The following FOXJ3 variants were observed in gnomAD, a reference collection of about 807,000 sequenced individuals.
FOXJ3 encodes forkhead box J3, also known as forkhead box protein J3.
In FOXJ3, 22 loss-of-function variants were observed where a neutral mutation model predicts 76.1. The observed-to-expected ratio is 0.29, with a 90% CI of 0.21 to 0.41. The LOEUF (loss-of-function observed/expected upper bound fraction) is 0.41. FOXJ3 is among the 10% of genes least tolerant of loss of function. The pLI, the probability that FOXJ3 is intolerant of heterozygous loss-of-function variation, is 1.00. For synonymous variants in FOXJ3, 269 were observed against 261.2 expected, an observed-to-expected ratio of 1.03 and a Z score of -0.29; for missense variants, 613 against 762.1, an observed-to-expected ratio of 0.80 and a Z score of 2.30.
In FOXJ3 at chr1:42,177,006, C is replaced by CA. The variant is rs1275549262; in HGVS notation, c.*2703dup. 2.6e-5 allele frequency: 4 copies of CA among 152,684 alleles called. No individual in the cohort carries two copies. Among genetic ancestry groups the CA allele is most frequent in the Admixed American group, 6.5e-5 (1 of 15,288 alleles). The allele number at this position is 152,684 out of a possible 1,614,324, so 9.5% of individuals were successfully genotyped here. On this transcript the variant is annotated 3_prime_UTR_variant, in exon 13 of 13. Transcript: ENST00000361346. The stretch of plus-strand genomic sequence containing the variant: ...ATTATTCTCCTGAACAGAGTGTCCC[C>CA]ATTTGTTTACATGCATTTACTATTC...
chr1:42,189,430 T>A (rs752951663), intron 9 of FOXJ3, 26 bp from the exon 10 acceptor site: 2 of 1,501,998 alleles, frequency 1.3e-6, no homozygotes, highest in South Asian at 2.3e-5. Flanking sequence ...AACAGTGTAA[T>A]TCCTGGATGG....
rs115393770 is a variant in FOXJ3, at chr1:42,207,588, T to C, written c.529-1725A>G. 4.3e-3 allele frequency among the ~76,000 whole-genome samples: 661 copies of C among 152,354 alleles called. 5 individuals carry two copies. Among genetic ancestry groups the C allele is most frequent in the African/African-American group, 0.015 (628 of 41,582 alleles). ...TGATGCTAGCTACATATATATTCCC[T>C]CTCTGGCAAAAACTATTTGTCCCAC... On this transcript the variant is annotated intron_variant, in intron 5 of 12. Coordinates refer to ENST00000361346, the MANE Select transcript of FOXJ3 (RefSeq NM_014947.5).
At chr1:42,308,035 T>A (rs1341762858) in intron 2 of FOXJ3, among the ~76,000 whole-genome samples, 1 of 152,102 alleles carries the variant, frequency 6.6e-6, no homozygotes, top group Non-Finnish European at 1.5e-5. Flanking sequence ...ACCAACAAAT[T>A]TTTTATACTT....
chr1:42,256,306 A>G (rs1650580776), intron 4 of FOXJ3, among the ~76,000 whole-genome samples: 1 of 152,242 alleles, frequency 6.6e-6, no homozygotes, highest in Admixed American at 6.5e-5. Flanking sequence ...ATAGTCTAAA[A>G]AAACATTTAA....
At chr1:42,313,379 G>A (rs374291269) in intron 1 of FOXJ3, among the ~76,000 whole-genome samples, 108 of 151,894 alleles carry the variant, frequency 7.1e-4, no homozygotes, top group African/African-American at 2.4e-3. Context: ...TGTGTTTAGG[G>A]TAGCCCTAGG....
chr1:42,183,314 A>G (rs1196735498), intron 11 of FOXJ3, among the ~76,000 whole-genome samples: 39 of 174 alleles, frequency 0.22, no homozygotes, highest in African/African-American at 0.32. Context: ...GGGGTGGGGG[A>G]GGGGAGGGGA....
At chr1:42,300,448 T>C (rs1201357909) in intron 2 of FOXJ3, among the ~76,000 whole-genome samples, 1 of 152,150 alleles carries the variant, frequency 6.6e-6, no homozygotes, top group African/African-American at 2.4e-5. Flanking sequence ...TTCTCCTTCA[T>C]GTACAAAGCT....
intron 4 of FOXJ3, among the ~76,000 whole-genome samples, chr1:42,246,082 C>T (rs343392): frequency 0.81 from 123,121 of 152,070 alleles, 49,927 homozygotes; most frequent in Admixed American, 0.86. Flanking sequence ...AGGGGAAATA[C>T]TTCAGGACAT....
At chr1:42,182,336 AT>A (rs1166434861) in intron 11 of FOXJ3, among the ~76,000 whole-genome samples, 5 of 152,200 alleles carry the variant, frequency 3.3e-5, no homozygotes, top group African/African-American at 1.2e-4. Context: ...TTTTGTATCC[AT>A]TACTTCATCT....
At chr1:42,231,210 C>T (rs1176175519) in intron 4 of FOXJ3, among the ~76,000 whole-genome samples, 1 of 151,836 alleles carries the variant, frequency 6.6e-6, no homozygotes, top group Non-Finnish European at 1.5e-5. Context: ...CCTGTAGTCC[C>T]AGCTACTCGG....
chr1:42,239,888 T>C (rs1464026040), intron 4 of FOXJ3, among the ~76,000 whole-genome samples: 1 of 152,206 alleles, frequency 6.6e-6, no homozygotes, highest in Non-Finnish European at 1.5e-5. Context: ...AACACAAATC[T>C]TTTGGGGTTA....
chr1:42,240,597 C>CAGGT (rs1208140317), intron 4 of FOXJ3, among the ~76,000 whole-genome samples: 1 of 152,126 alleles, frequency 6.6e-6, no homozygotes, highest in Non-Finnish European at 1.5e-5. Flanking sequence ...CACAGACTAC[C>CAGGT]AAGACAATTC....
At chr1:42,210,072 G>A (rs1453707605) in intron 5 of FOXJ3, among the ~76,000 whole-genome samples, 1 of 152,226 alleles carries the variant, frequency 6.6e-6, no homozygotes, top group African/African-American at 2.4e-5. Context: ...AAAACACTGG[G>A]TGTGAGACCT....
intron 5 of FOXJ3, among the ~76,000 whole-genome samples, chr1:42,216,390 C>A (rs1187603330): frequency 6.6e-6 from 1 of 151,574 alleles, no homozygotes; most frequent in Non-Finnish European, 1.5e-5. Context: ...TGGTAGCGGG[C>A]GCCTGTAGTC....
At chr1:42,271,235 T>G (rs1651845148) in intron 3 of FOXJ3, among the ~76,000 whole-genome samples, 1 of 152,210 alleles carries the variant, frequency 6.6e-6, no homozygotes, top group Non-Finnish European at 1.5e-5. Flanking sequence ...GATCACATTA[T>G]TAATTCAAAA....
At chr1:42,283,275 T>C (rs1311164830) in intron 2 of FOXJ3, among the ~76,000 whole-genome samples, 14 of 152,162 alleles carry the variant, frequency 9.2e-5, no homozygotes, top group Admixed American at 9.2e-4. Flanking sequence ...AGAAGTTCCA[T>C]ACAGAATTTT....
At chr1:42,238,248 T>C (rs1239522803) in intron 4 of FOXJ3, among the ~76,000 whole-genome samples, 1 of 152,168 alleles carries the variant, frequency 6.6e-6, no homozygotes, top group Non-Finnish European at 1.5e-5. Flanking sequence ...TTGGCCAGGC[T>C]GCTCTCAAAC....
At chr1:42,293,066 A>G (rs2124709890) in intron 2 of FOXJ3, among the ~76,000 whole-genome samples, 2 of 152,252 alleles carry the variant, frequency 1.3e-5, no homozygotes, top group East Asian at 3.9e-4. Context: ...ACACCACTGT[A>G]CTCCAGCCTG....
At chr1:42,201,761 T>A (rs1394003456) in intron 6 of FOXJ3, among the ~76,000 whole-genome samples, 2 of 152,206 alleles carry the variant, frequency 1.3e-5, no homozygotes, top group Non-Finnish European at 2.9e-5. Context: ...TACCTCTTTT[T>A]TAAAATTCTC....
Sources: allele counts gnomAD v4.1 joint callset (sites outside exome capture counted in the v4.1 genomes callset), GRCh38; gene constraint gnomAD v4.1.1; transcripts MANE v1.5; gene names NCBI Gene and HGNC (gene_info 2026-07-23, HGNC 2026-07-21).